SORCS2: variants seen among roughly 807,000 people sequenced by gnomAD.
The protein encoded by SORCS2 is VPS10 domain-containing receptor SorCS2.
A neutral mutation model predicts 141.6 loss-of-function variants in SORCS2; 100 were observed. The observed-to-expected ratio is 0.71, with a 90% confidence interval of 0.60 to 0.83. The LOEUF is 0.83. Ranked by LOEUF, SORCS2 falls within the 40% of genes least tolerant of loss-of-function variation. SORCS2 has a pLI of 0.00. For missense variants in SORCS2, 1,646 were observed against 1,560.2 expected, an observed-to-expected ratio of 1.05 and a Z score of -0.93; for synonymous variants, 789 against 676.9, an observed-to-expected ratio of 1.17 and a Z score of -2.57.
chr4:7,492,528 T>A (rs1237107807), intron 2 of SORCS2, among the ~76,000 whole-genome samples: 1 of 152,232 alleles, frequency 6.6e-6, no homozygotes, highest in Non-Finnish European at 1.5e-5. Flanking sequence ...AGGGACCTCT[T>A]CCACATTCTG....
At chr4:7,439,163 A>G (rs929586330) in intron 2 of SORCS2, among the ~76,000 whole-genome samples, 1 of 150,776 alleles carries the variant, frequency 6.6e-6, no homozygotes, top group Non-Finnish European at 1.5e-5. Context: ...GTGAAAGAGG[A>G]AGGAAGGAAG....
chr4:7,400,931 A>G (rs1724546686), intron 2 of SORCS2, among the ~76,000 whole-genome samples: 1 of 151,416 alleles, frequency 6.6e-6, no homozygotes, highest in Non-Finnish European at 1.5e-5. Context: ...GGAGAGATGG[A>G]TGAATGGATA....
chr4:7,513,890 A>G (rs924298561), intron 2 of SORCS2, among the ~76,000 whole-genome samples: 1 of 152,230 alleles, frequency 6.6e-6, no homozygotes, highest in Admixed American at 6.5e-5. Context: ...AGCAGAGCGC[A>G]TTAAGTTATT....
chr4:7,389,149 T>C (rs1253210997), intron 1 of SORCS2, among the ~76,000 whole-genome samples: 4 of 152,160 alleles, frequency 2.6e-5, no homozygotes, highest in Non-Finnish European at 5.9e-5. Context: ...CCATCCTGCC[T>C]GCGCTCTTTC....
chr4:7,487,293 T>C (rs1304172353), intron 2 of SORCS2, among the ~76,000 whole-genome samples: 1 of 152,222 alleles, frequency 6.6e-6, no homozygotes, highest in Non-Finnish European at 1.5e-5. Flanking sequence ...GTCTGTTACA[T>C]TCCCTTGGCC....
chr4:7,629,591 G>T (rs1226233678), intron 3 of SORCS2, among the ~76,000 whole-genome samples: 2 of 144,466 alleles, frequency 1.4e-5, no homozygotes, highest in African/African-American at 5.2e-5. Context: ...GCTGATCTCT[G>T]CAGGGTCCCT....
chr4:7,697,096 G>A, intron 11 of SORCS2, 102 bp from the exon 12 acceptor site: 3 of 949,112 alleles, frequency 3.2e-6, no homozygotes, highest in East Asian at 2.7e-5. Flanking sequence ...GAGACCCGGG[G>A]CACTGGCCAC....
chr4:7,322,309 C>T (rs576752001), intron 1 of SORCS2, among the ~76,000 whole-genome samples: 1 of 152,252 alleles, frequency 6.6e-6, no homozygotes, highest in African/African-American at 2.4e-5. Flanking sequence ...TGGCCATGCC[C>T]CCTCTGTCCT....
chr4:7,200,350 C>T (rs1727422230), intron 1 of SORCS2, among the ~76,000 whole-genome samples: 1 of 152,090 alleles, frequency 6.6e-6, no homozygotes, highest in South Asian at 2.1e-4. Flanking sequence ...CCTTCCCTCT[C>T]CTCCCTGGGG....
chr4:7,281,948 C>A (rs1032264148), intron 1 of SORCS2, among the ~76,000 whole-genome samples: 1 of 152,212 alleles, frequency 6.6e-6, no homozygotes, highest in Non-Finnish European at 1.5e-5. Flanking sequence ...CCTGGGCACA[C>A]GCCAGTGTGT....
chr4:7,638,075 C>T (rs1009474291), intron 3 of SORCS2, among the ~76,000 whole-genome samples: 7 of 151,846 alleles, frequency 4.6e-5, no homozygotes, highest in African/African-American at 1.2e-4. Context: ...GGGCGAGGGT[C>T]TGGCCCAGAC....
At chr4:7,540,378 T>A (rs940333075) in intron 3 of SORCS2, among the ~76,000 whole-genome samples, 1 of 152,034 alleles carries the variant, frequency 6.6e-6, no homozygotes, top group Non-Finnish European at 1.5e-5. Context: ...CCAGCCTTCT[T>A]CTGTGGCTAG....
intron 1 of SORCS2, among the ~76,000 whole-genome samples, chr4:7,231,092 A>G (rs1463783370): frequency 6.6e-6 from 1 of 152,248 alleles, no homozygotes; most frequent in African/African-American, 2.4e-5. Flanking sequence ...GAGGTTTGTT[A>G]TAAGGAACTG....
intron 3 of SORCS2, among the ~76,000 whole-genome samples, chr4:7,612,093 TG>T (rs1718443115): frequency 6.6e-6 from 1 of 152,108 alleles, no homozygotes; most frequent in Admixed American, 6.5e-5. Context: ...GGAGGAGTCA[TG>T]GGGCCTGGGT....
At chr4:7,722,985 A>G (rs1425393390) in intron 18 of SORCS2, among the ~76,000 whole-genome samples, 3 of 151,908 alleles carry the variant, frequency 2.0e-5, no homozygotes, top group Non-Finnish European at 4.4e-5. Context: ...GGGAGGGAGA[A>G]TGTGATCATG....
intron 1 of SORCS2, among the ~76,000 whole-genome samples, chr4:7,324,583 G>A (rs1337154903): frequency 6.6e-6 from 1 of 152,226 alleles, no homozygotes; most frequent in African/African-American, 2.4e-5. Flanking sequence ...ACAGTGAAAA[G>A]CAGGGGAGAG....
At chr4:7,253,403 C>T (rs966017712) in intron 1 of SORCS2, among the ~76,000 whole-genome samples, 9 of 152,038 alleles carry the variant, frequency 5.9e-5, no homozygotes, top group African/African-American at 2.2e-4. Context: ...TGAGCAGTGA[C>T]ACGGGCCGTC....
chr4:7,484,716 C>G (rs1730866646), intron 2 of SORCS2, among the ~76,000 whole-genome samples: 1 of 152,144 alleles, frequency 6.6e-6, no homozygotes, highest in African/African-American at 2.4e-5. Flanking sequence ...GCTGGGCGGG[C>G]ATTTACAAGT....
intron 1 of SORCS2, among the ~76,000 whole-genome samples, chr4:7,258,159 A>T (rs574758264): frequency 2.4e-4 from 37 of 152,264 alleles, no homozygotes; most frequent in South Asian, 6.2e-4. Flanking sequence ...ATTTTTTTTT[A>T]AAATTATACT....
Sources: allele counts gnomAD v4.1 joint callset (sites outside exome capture counted in the v4.1 genomes callset), GRCh38; gene constraint gnomAD v4.1.1; transcripts MANE v1.5; gene names NCBI Gene and HGNC (gene_info 2026-07-23, HGNC 2026-07-21).